Variants in CSMD3 observed in about 807,000 individuals in gnomAD.
CSMD3 encodes CUB and Sushi multiple domains 3.
CSMD3 carries 177 observed loss-of-function variants against 435.2 expected under a neutral mutation model. The ratio of observed to expected loss-of-function variants is 0.41; its 90% CI spans 0.36 to 0.46. The LOEUF is 0.46. Among genes scored for constraint, CSMD3 ranks in the 20% least tolerant of loss-of-function variants. The pLI is 0.34. For synonymous variants in CSMD3, 1,656 were observed against 1,520.5 expected (o/e 1.09, Z -2.07); for missense variants, 4,265 against 4,504.6 (o/e 0.95, Z 1.52).
At chr8:112,245,527 G>A (rs2130130608) in intron 64 of CSMD3, among the ~76,000 whole-genome samples, 1 of 152,006 alleles carries the variant, frequency 6.6e-6, no homozygotes, top group South Asian at 2.1e-4. Context: ...GTGTTAAATG[G>A]TTTTTTGTTT....
chr8:112,645,173 A>G lies in CSMD3; in HGVS notation c.3246T>C (p.Gly1082=). The G allele has an allele frequency of 2.5e-6, 4 of 1,609,828 alleles. No homozygotes were observed. The highest frequency in any genetic ancestry group is 3.4e-6 in the Non-Finnish European group (4 of 1,176,186). Residue 1082 remains glycine (G), a synonymous_variant, in exon 20 of 71, where the codon GGT becomes GGC. Coordinates refer to ENST00000297405, the MANE Select transcript of CSMD3 (RefSeq NM_198123.2). ...GAGAATTTGGATAAAATTCCGGGTAACCAGGTGATAAGATTGTTCCACTAG... is the reference window on the plus strand; with the variant it reads ...GAGAATTTGGATAAAATTCCGGGTAGCCAGGTGATAAGATTGTTCCACTAG... The part of the protein sequence containing the change: ...RGPSGTILSP[G]YPEFYPNSLN...
At chr8:112,938,953 G>A (rs2083368391) in intron 9 of CSMD3, among the ~76,000 whole-genome samples, 1 of 152,066 alleles carries the variant, frequency 6.6e-6, no homozygotes, top group Non-Finnish European at 1.5e-5. Flanking sequence ...AACCTACAGT[G>A]TGTTAATACA....
chr8:112,241,844 G>GCGCACA, intron 65 of CSMD3, 59 bp from the exon 66 acceptor site: 1 of 765,824 alleles, frequency 1.3e-6, no homozygotes, highest in Non-Finnish European at 2.3e-6. Flanking sequence ...ATACACATGC[G>GCGCACA]CACACACACA....
chr8:113,425,527 G>C (rs1195830849), intron 1 of CSMD3, among the ~76,000 whole-genome samples: 1 of 151,092 alleles, frequency 6.6e-6, no homozygotes, highest in Non-Finnish European at 1.5e-5. Flanking sequence ...TCACAAATTG[G>C]CAATATATAA....
At chr8:112,407,296 G>C (rs1831944397) in intron 34 of CSMD3, among the ~76,000 whole-genome samples, 1 of 151,830 alleles carries the variant, frequency 6.6e-6, no homozygotes, top group Non-Finnish European at 1.5e-5. Flanking sequence ...AACAATAAAA[G>C]TTTTTACTTT....
rs182827902 is a variant in CSMD3 at position 112,224,014 on chromosome 8, C to A, written c.*757G>T. 2.6e-5 allele frequency: 4 copies of A among 152,084 alleles called. No individual in the cohort carries two copies. Among genetic ancestry groups the A allele is most frequent in the African/African-American group, 4.8e-5 (2 of 41,500 alleles). The allele number at this position is 152,084 out of a possible 1,614,324, so 9.4% of individuals were successfully genotyped here. On this transcript the variant is annotated 3_prime_UTR_variant, in exon 71 of 71. Transcript: ENST00000297405. The stretch of plus-strand genomic sequence containing the variant: ...ATAATAAAAATAAATAGGAAAAAAC[C>A]ATATTGAAGCAAGGAGTGAAACACT...
At chr8:113,005,406 A>G (rs2086019237) in intron 6 of CSMD3, among the ~76,000 whole-genome samples, 3 of 152,042 alleles carry the variant, frequency 2.0e-5, no homozygotes, top group Admixed American at 2.0e-4. Context: ...ATATAGAATC[A>G]AAAGTATTTG....
chr8:113,300,961 G>A (rs2093761483), intron 2 of CSMD3, among the ~76,000 whole-genome samples: 1 of 151,928 alleles, frequency 6.6e-6, no homozygotes, highest in African/African-American at 2.4e-5. Flanking sequence ...ACATAAGGTT[G>A]AGCCAAAAAA....
intron 3 of CSMD3, among the ~76,000 whole-genome samples, chr8:113,256,748 C>T (rs911886481): frequency 6.6e-6 from 1 of 152,124 alleles, no homozygotes; most frequent in African/African-American, 2.4e-5. Flanking sequence ...CAAAATATGT[C>T]TTAGTGATGA....
chr8:113,293,280 T>A (rs2093698458), intron 2 of CSMD3, among the ~76,000 whole-genome samples: 1 of 151,754 alleles, frequency 6.6e-6, no homozygotes, highest in African/African-American at 2.4e-5. Flanking sequence ...CTTGGATATC[T>A]AATCCACATC....
In CSMD3 at chr8:113,100,781, A is replaced by G. The variant is rs188192906; in HGVS notation, c.710-1818T>C. 1.3e-3 allele frequency among the ~76,000 whole-genome samples: 199 copies of G among 152,290 alleles called. 1 individual carries two copies. Among genetic ancestry groups the G allele is most frequent in the African/African-American group, 4.5e-3 (186 of 41,572 alleles). On this transcript the variant is annotated intron_variant, in intron 4 of 70. Coordinates refer to ENST00000297405, the MANE Select transcript of CSMD3 (RefSeq NM_198123.2). ...ATTACTTTTGTCTGTTTAAAAATAA[A>G]TGATTTAACTTAAAAAATCACAATC...
At chr8:112,983,175 T>C (rs969143972) in intron 6 of CSMD3, among the ~76,000 whole-genome samples, 5 of 151,888 alleles carry the variant, frequency 3.3e-5, no homozygotes, top group African/African-American at 1.2e-4. Context: ...TTCCCTTTTA[T>C]ACCAATAATT....
rs567926067 is a variant in CSMD3 at position 112,393,179 on chromosome 8, C to T, written c.5810-2391G>A. Among the ~76,000 whole-genome samples the T allele has an allele frequency of 3.3e-5, 5 of 152,252 alleles. 1 individual carries two copies. The South Asian group carries it at 1.0e-3, about 32-fold the overall frequency. On this transcript the variant is annotated intron_variant, in intron 35 of 70. Coordinates refer to ENST00000297405, the MANE Select transcript of CSMD3 (RefSeq NM_198123.2). The stretch of plus-strand genomic sequence containing the variant: ...AGGATTATAGGCACGAGCCACTGTG[C>T]CCGGCCTACAGATAAATATAGTTAA...
At position 113,027,276 on chromosome 8, in the gene CSMD3, C is replaced by T. The variant is rs201343386; in HGVS notation, c.918-8097G>A. 1.4e-4 allele frequency among the ~76,000 whole-genome samples: 21 copies of T among 152,128 alleles called. No individual in the cohort carries two copies. The East Asian group carries it at 3.7e-3, about 27-fold the overall frequency. On this transcript the variant is annotated intron_variant, in intron 5 of 70. Transcript: ENST00000297405. ...AAGCCATTGATATTGTTCATTGCCT[C>T]ATGTCTGAACAAGAATGCATTTTAT...
chr8:113,367,019 C>T (rs1014289810), intron 1 of CSMD3, among the ~76,000 whole-genome samples: 2 of 151,732 alleles, frequency 1.3e-5, no homozygotes, highest in Non-Finnish European at 2.9e-5. Flanking sequence ...GAAATGAGTA[C>T]TTTTTTTAAG....
chr8:112,666,499 C>T, intron 16 of CSMD3, 84 bp from the exon 17 acceptor site: 1 of 1,173,022 alleles, frequency 8.5e-7, no homozygotes, highest in Non-Finnish European at 1.3e-6. Flanking sequence ...ATTTCAAAAA[C>T]AAGTCTCTGC....
At chr8:112,402,028 T>G (rs1217803825) in intron 35 of CSMD3, among the ~76,000 whole-genome samples, 1 of 152,232 alleles carries the variant, frequency 6.6e-6, no homozygotes, top group Non-Finnish European at 1.5e-5. Context: ...TCTCTCTTGA[T>G]TTTGTGGTGG....
At chr8:112,643,681 C>A (rs2131606902) in intron 20 of CSMD3, 1 of 162,726 alleles carries the variant, frequency 6.1e-6, no homozygotes, top group Admixed American at 6.5e-5. Context: ...CTTTGGTTAA[C>A]TTCCAGCAAA....
chr8:112,955,882 C>A (rs929973837), intron 7 of CSMD3, among the ~76,000 whole-genome samples: 1 of 151,750 alleles, frequency 6.6e-6, no homozygotes, highest in Non-Finnish European at 1.5e-5. Flanking sequence ...AAAATTACCA[C>A]TTCACTATTT....
Sources: allele counts gnomAD v4.1 joint callset (sites outside exome capture counted in the v4.1 genomes callset), GRCh38; gene constraint gnomAD v4.1.1; transcripts MANE v1.5; gene names NCBI Gene and HGNC (gene_info 2026-07-23, HGNC 2026-07-21).